Variants in OLFM2 observed in about 807,000 individuals in gnomAD.
The protein encoded by OLFM2 is noelin-2.
In OLFM2, 20 loss-of-function variants were observed where a neutral mutation model predicts 43.9. That is an observed-to-expected ratio of 0.46 (90% CI 0.32 to 0.66). OLFM2 has a LOEUF of 0.66. Ranked by LOEUF, OLFM2 falls within the 30% of genes least tolerant of loss-of-function variation. The pLI is 0.04. For synonymous variants in OLFM2, 268 were observed against 278.6 expected (o/e 0.96, Z 0.38); for missense variants, 416 against 643.6 (o/e 0.65, Z 3.83).
At chr19:9,899,922 ATTTG>A (rs1009699265) in intron 1 of OLFM2, among the ~76,000 whole-genome samples, 2 of 150,476 alleles carry the variant, frequency 1.3e-5, no homozygotes, top group African/African-American at 4.9e-5. Flanking sequence ...TTTCTTGTTT[ATTTG>A]TTTGTTATTG....
chr19:9,860,440 C>T (rs1206253146), intron 2 of OLFM2, among the ~76,000 whole-genome samples: 1 of 150,648 alleles, frequency 6.6e-6, no homozygotes, highest in African/African-American at 2.5e-5. Context: ...TCACTGCATT[C>T]CAGCCTGGGT....
chr19:9,902,860 T>A (rs917486822), intron 1 of OLFM2, among the ~76,000 whole-genome samples: 1 of 150,496 alleles, frequency 6.6e-6, no homozygotes, highest in Non-Finnish European at 1.5e-5. Context: ...CTTTTTGCTG[T>A]AGAGACAGGA....
chr19:9,908,565 A>G (rs909958562), intron 1 of OLFM2, among the ~76,000 whole-genome samples: 1 of 127,090 alleles, frequency 7.9e-6, no homozygotes, highest in Admixed American at 1.0e-4. Flanking sequence ...TGCGAGCTCC[A>G]CCTCCTGGGT....
intron 1 of OLFM2, among the ~76,000 whole-genome samples, chr19:9,885,692 T>TC (rs2046580381): frequency 6.6e-6 from 1 of 152,018 alleles, no homozygotes; most frequent in South Asian, 2.1e-4. Context: ...CTCCACAGTG[T>TC]CCCCCCACCC....
At chr19:9,925,997 C>A (rs896779935) in intron 1 of OLFM2, among the ~76,000 whole-genome samples, 4 of 151,650 alleles carry the variant, frequency 2.6e-5, no homozygotes, top group Admixed American at 2.0e-4. Context: ...ATTAGCCAGC[C>A]GTGGTGGCAT....
intron 1 of OLFM2, among the ~76,000 whole-genome samples, chr19:9,899,725 T>C (rs988310139): frequency 1.3e-5 from 2 of 151,874 alleles, no homozygotes; most frequent in African/African-American, 4.8e-5. Flanking sequence ...CCAATTTCTG[T>C]ATTTTTTTTT....
chr19:9,895,074 C>A (rs1458182874), intron 1 of OLFM2, among the ~76,000 whole-genome samples: 3 of 152,122 alleles, frequency 2.0e-5, no homozygotes, highest in Non-Finnish European at 4.4e-5. Context: ...CGGGCATTAT[C>A]CTCACCCTCA....
At chr19:9,902,310 G>A (rs2046747420) in intron 1 of OLFM2, among the ~76,000 whole-genome samples, 1 of 151,676 alleles carries the variant, frequency 6.6e-6, no homozygotes, top group Non-Finnish European at 1.5e-5. Context: ...TTACAGGCGT[G>A]AGCCACTGCG....
intron 1 of OLFM2, among the ~76,000 whole-genome samples, chr19:9,925,158 G>C (rs10410507): frequency 0.077 from 11,725 of 152,092 alleles, 1,450 homozygotes; most frequent in African/African-American, 0.26. Context: ...TTGGGAGGCT[G>C]AGGTGGGAGA....
At chr19:9,914,298 G>A (rs901395261) in intron 1 of OLFM2, among the ~76,000 whole-genome samples, 2 of 152,144 alleles carry the variant, frequency 1.3e-5, no homozygotes, top group African/African-American at 4.8e-5. Flanking sequence ...GCATTGGGGG[G>A]CGTGGGGGGG....
At chr19:9,870,596 A>C (rs2046434318) in intron 1 of OLFM2, among the ~76,000 whole-genome samples, 1 of 152,196 alleles carries the variant, frequency 6.6e-6, no homozygotes, top group Admixed American at 6.5e-5. Flanking sequence ...TTCCCTTCCC[A>C]GGTCACAGGA....
chr19:9,932,567 G>A (rs1262393554), intron 1 of OLFM2, among the ~76,000 whole-genome samples: 1 of 152,078 alleles, frequency 6.6e-6, no homozygotes, highest in Non-Finnish European at 1.5e-5. Context: ...TGAGCCTCTT[G>A]GAGGAGGTGA....
rs142720174 is a variant in OLFM2 at position 9,909,180 on chromosome 19, G to A, written c.63+27124C>T. 2.4e-3 allele frequency among the ~76,000 whole-genome samples: 358 copies of A among 152,120 alleles called. 1 individual carries two copies. The highest frequency in any genetic ancestry group is 7.8e-3 in the African/African-American group (323 of 41,484). The stretch of plus-strand genomic sequence containing the variant: ...AGAACTGCTCAGCTCCTCCTTATTC[G>A]TCCCATAAAGCAAAAGGTCCCCCTC... On this transcript the variant is annotated intron_variant, in intron 1 of 5. Transcript: ENST00000264833.
intron 1 of OLFM2, 120 bp downstream of exon 1, chr19:9,936,184 T>G: frequency 1.1e-5 from 10 of 936,998 alleles, no homozygotes; most frequent in African/African-American, 2.4e-5. Flanking sequence ...CCCCCGCCCC[T>G]CGCCGCCCTG....
intron 1 of OLFM2, among the ~76,000 whole-genome samples, chr19:9,911,551 G>A (rs1238014960): frequency 6.6e-6 from 1 of 152,078 alleles, no homozygotes; most frequent in Non-Finnish European, 1.5e-5. Context: ...ACACAAGGCA[G>A]GCACACACAC....
intron 1 of OLFM2, among the ~76,000 whole-genome samples, chr19:9,895,659 C>A (rs905643533): frequency 1.3e-5 from 2 of 151,756 alleles, no homozygotes; most frequent in African/African-American, 2.4e-5. Flanking sequence ...ATTTTTAGAC[C>A]GAGTCTCGCT....
In OLFM2 at chr19:9,860,662, G is replaced by A. The variant is rs561616727; in HGVS notation, c.196C>T (p.Arg66Trp). 108 of 1,590,264 alleles carry A rather than the reference G, an allele frequency of 6.8e-5. No homozygotes were observed. The highest frequency in any genetic ancestry group is 1.9e-4 in the Admixed American group (11 of 56,620). Residue 66 changes from arginine (R) to tryptophan (W), a missense_variant, in exon 2 of 6, where the codon CGG (arginine) becomes TGG (tryptophan). Coordinates refer to ENST00000264833, the MANE Select transcript of OLFM2 (RefSeq NM_058164.4). ...GTTCTCACCTTCTCCATCAGTTGCC[G>A]CAGCTCCCGACTCCTGCCATCTCGA... ...CSRDGRSRELRQLMEKVQNVS... is the reference protein window; with the variant it reads ...CSRDGRSRELWQLMEKVQNVS...
rs1419977157 is a variant in OLFM2, at chr19:9,857,023, G to A, written c.581-110C>T. ...TTGGGAAAGCTGGGACCAGGGATGAGGGAAGACTCAAAAATCTGGTCCCAA... is the reference window on the plus strand; with the variant it reads ...TTGGGAAAGCTGGGACCAGGGATGAAGGAAGACTCAAAAATCTGGTCCCAA... On this transcript the variant is annotated intron_variant, in intron 4 of 5. Coordinates refer to ENST00000264833, the MANE Select transcript of OLFM2 (RefSeq NM_058164.4). This position sits in a 1 kb window ranked among gnomAD's most constrained non-coding sequence, Gnocchi z 5.7. The A allele has an allele frequency of 2.3e-5, 23 of 993,316 alleles. No homozygotes were observed. Among genetic ancestry groups the A allele is most frequent in the Non-Finnish European group, 3.4e-5 (22 of 648,544 alleles). The allele number at this position is 993,316 out of a possible 1,614,324, so 61.5% of individuals were successfully genotyped here.
Position 9,857,141 on chromosome 19 carries a change from A to G in OLFM2, c.580+122T>C. 9.7e-7 allele frequency: 1 copy of G among 1,033,044 alleles called. No individual in the cohort carries two copies. Among genetic ancestry groups the G allele is most frequent in the Non-Finnish European group, 1.5e-6 (1 of 675,764 alleles). 64.0% of individuals were successfully genotyped at this position (1,033,044 alleles called of 1,614,324 possible). A position where few individuals can be genotyped will look rare whatever the true frequency, so the allele number is the denominator to read the frequency against. On this transcript the variant is annotated intron_variant, in intron 4 of 5. Coordinates refer to ENST00000264833, the MANE Select transcript of OLFM2 (RefSeq NM_058164.4). This position sits in a 1 kb window ranked among gnomAD's most constrained non-coding sequence, Gnocchi z 5.7. ...AAGTGTAGCCTTAGGTAGGAAGGTC[A>G]AGGGTTGAGGTTTAAAAGTTAGAGG...
Sources: gnomAD v4.1 joint callset for allele counts (sites outside exome capture counted in the v4.1 genomes callset) on GRCh38, gnomAD v4.1.1 for gene constraint, Gnocchi (gnomAD v3.1) non-coding constraint, MANE v1.5 for transcripts, NCBI Gene and HGNC (gene_info 2026-07-23, HGNC 2026-07-21) for gene names.